SUGCT: variants seen among roughly 807,000 people sequenced by gnomAD.
SUGCT encodes succinyl-CoA:glutarate CoA-transferase.
A neutral mutation model predicts 55.0 loss-of-function variants in SUGCT; 41 were observed. The observed-to-expected ratio is 0.74, with a 90% CI of 0.58 to 0.97. The LOEUF (loss-of-function observed/expected upper bound fraction) is 0.97. Ranked by LOEUF, SUGCT falls within the 50% of genes least tolerant of loss-of-function variation. The pLI, the probability that SUGCT is intolerant of heterozygous loss-of-function variation, is 0.00. For missense variants in SUGCT, 568 were observed against 547.8 expected (o/e 1.04, Z -0.37); for synonymous variants, 187 against 200.4 (o/e 0.93, Z 0.56).
At chr7:40,773,224 G>A (rs1023447964) in intron 13 of SUGCT, among the ~76,000 whole-genome samples, 1 of 151,982 alleles carries the variant, frequency 6.6e-6, no homozygotes, top group African/African-American at 2.4e-5. Context: ...CACCTCCTGG[G>A]TTCAAGCGAT....
chr7:40,458,556 T>C (rs1043604641), intron 10 of SUGCT, among the ~76,000 whole-genome samples: 3 of 152,216 alleles, frequency 2.0e-5, no homozygotes, highest in Non-Finnish European at 4.4e-5. Flanking sequence ...GGTAAATGTA[T>C]TTGCTTTTAC....
At chr7:40,526,626 G>T (rs1237973587) in intron 12 of SUGCT, among the ~76,000 whole-genome samples, 2 of 152,104 alleles carry the variant, frequency 1.3e-5, no homozygotes, top group Non-Finnish European at 2.9e-5. Context: ...GGGAGGGATT[G>T]GTTGGGGGAA....
the SUGCT span, among the ~76,000 whole-genome samples, chr7:40,910,671 G>A: frequency 6.6e-6 from 1 of 152,092 alleles, no homozygotes; most frequent in South Asian, 2.1e-4. Flanking sequence ...GCTCTATTTG[G>A]TTCCTCTGCA....
At chr7:40,350,922 A>T (rs1325923740) in intron 9 of SUGCT, among the ~76,000 whole-genome samples, 2 of 152,090 alleles carry the variant, frequency 1.3e-5, no homozygotes, top group African/African-American at 4.8e-5. Flanking sequence ...TTTGCGGAGA[A>T]TGATGGGTTC....
At chr7:40,898,402 G>C in the SUGCT span, among the ~76,000 whole-genome samples, 1 of 142,226 alleles carries the variant, frequency 7.0e-6, no homozygotes, top group South Asian at 2.2e-4. Context: ...AAGAAACTCC[G>C]GACACATCAT....
chr7:40,424,569 T>C (rs541315444), intron 9 of SUGCT, among the ~76,000 whole-genome samples: 1 of 152,310 alleles, frequency 6.6e-6, no homozygotes, highest in South Asian at 2.1e-4. Flanking sequence ...ACTTTACTTC[T>C]ATATGTTTCA....
At chr7:40,511,623 C>T (rs186459222) in intron 12 of SUGCT, among the ~76,000 whole-genome samples, 1 of 152,162 alleles carries the variant, frequency 6.6e-6, no homozygotes, top group East Asian at 1.9e-4. Flanking sequence ...AACTTTTTTG[C>T]AAGTCTGAAT....
At chr7:40,513,185 G>A (rs1793034071) in intron 12 of SUGCT, among the ~76,000 whole-genome samples, 1 of 152,016 alleles carries the variant, frequency 6.6e-6, no homozygotes, top group South Asian at 2.1e-4. Flanking sequence ...GATTTTTTGG[G>A]ATCTTGCCCA....
chr7:40,344,459 G>GA (rs1358197052), intron 9 of SUGCT, among the ~76,000 whole-genome samples: 2 of 151,970 alleles, frequency 1.3e-5, no homozygotes, highest in African/African-American at 4.8e-5. Flanking sequence ...TTAAATGGCT[G>GA]AAAAAAATCA....
chr7:40,367,615 T>C (rs553165262), intron 9 of SUGCT, among the ~76,000 whole-genome samples: 1 of 152,190 alleles, frequency 6.6e-6, no homozygotes, highest in Non-Finnish European at 1.5e-5. Flanking sequence ...TTGCCAGAAA[T>C]AGTAGGTAAG....
chr7:40,627,952 A>G lies in SUGCT; in HGVS notation c.1090-121482A>G, dbSNP rs62451211. Among the ~76,000 whole-genome samples the G allele has an allele frequency of 8.4e-3, 1,281 of 152,298 alleles. 7 individuals are homozygous for G. Among genetic ancestry groups the G allele is most frequent in the Non-Finnish European group, 0.012 (800 of 68,022 alleles). The stretch of plus-strand genomic sequence containing the variant: ...AAACATGTGGCCTGCATTTATTTGA[A>G]TATAACAGTTATTGCCTTTTGGACT... On this transcript the variant is annotated intron_variant, in intron 12 of 13. Transcript: ENST00000335693.
intron 13 of SUGCT, among the ~76,000 whole-genome samples, chr7:40,790,287 C>T (rs1260081989): frequency 6.6e-6 from 1 of 152,152 alleles, no homozygotes; most frequent in Non-Finnish European, 1.5e-5. Context: ...TTTTGCTTGG[C>T]ACTTCTCCTT....
intron 11 of SUGCT, among the ~76,000 whole-genome samples, chr7:40,490,242 CTT>C (rs1206436717): frequency 2.6e-5 from 4 of 152,182 alleles, no homozygotes; most frequent in Non-Finnish European, 4.4e-5. Flanking sequence ...GCTAGTTTCT[CTT>C]GTGTGGTACC....
intron 7 of SUGCT, among the ~76,000 whole-genome samples, chr7:40,267,744 C>T (rs372092779): frequency 5.3e-5 from 8 of 152,058 alleles, no homozygotes; most frequent in African/African-American, 1.4e-4. Context: ...GTCACAGTGT[C>T]GTTCTCTGTG....
the SUGCT span, among the ~76,000 whole-genome samples, chr7:40,991,756 G>A: frequency 2.6e-5 from 4 of 152,162 alleles, no homozygotes; most frequent in Non-Finnish European, 5.9e-5. Flanking sequence ...CAGCCCCTGT[G>A]ATTGGGAAAG....
At chr7:40,935,461 G>A in the SUGCT span, among the ~76,000 whole-genome samples, 1 of 152,130 alleles carries the variant, frequency 6.6e-6, no homozygotes, top group African/African-American at 2.4e-5. Context: ...TTATGTTTAT[G>A]GCTTTGCCTG....
intron 13 of SUGCT, among the ~76,000 whole-genome samples, chr7:40,758,203 T>C (rs1333836438): frequency 2.6e-5 from 4 of 151,836 alleles, no homozygotes; most frequent in Non-Finnish European, 1.5e-5. Context: ...CAAAGAGGAG[T>C]GGCTTTGCTT....
intron 13 of SUGCT, among the ~76,000 whole-genome samples, chr7:40,814,625 A>T (rs1584479377): frequency 1.3e-5 from 2 of 151,038 alleles, no homozygotes; most frequent in South Asian, 4.2e-4. Flanking sequence ...CTTTGTGTTG[A>T]TGTTCAACCT....
the SUGCT span, among the ~76,000 whole-genome samples, chr7:41,028,979 G>A: frequency 6.6e-6 from 1 of 152,168 alleles, no homozygotes; most frequent in East Asian, 1.9e-4. Context: ...AAGAGCTTTA[G>A]GGAACAAGAT....
Sources: allele counts gnomAD v4.1 joint callset (sites outside exome capture counted in the v4.1 genomes callset), GRCh38; gene constraint gnomAD v4.1.1; transcripts MANE v1.5; gene names NCBI Gene and HGNC (gene_info 2026-07-23, HGNC 2026-07-21).